FLT1: variants seen among roughly 807,000 people sequenced by gnomAD.
FLT1 encodes the protein vascular endothelial growth factor receptor 1.
A neutral mutation model predicts 156.3 loss-of-function variants in FLT1; 49 were observed. That is an observed-to-expected ratio of 0.31 (90% CI 0.25 to 0.40). The LOEUF (loss-of-function observed/expected upper bound fraction) is 0.40. Among genes scored for constraint, FLT1 ranks in the 10% least tolerant of loss-of-function variants. The probability of loss-of-function intolerance (pLI) is 1.00; values close to 1 mark genes in which losing one functional copy is unlikely to be tolerated. For synonymous variants in FLT1, 594 were observed against 583.8 expected, an observed-to-expected ratio of 1.02 and a Z score of -0.25; for missense variants, 1,322 against 1,637.2, an observed-to-expected ratio of 0.81 and a Z score of 3.32.
At chr13:28,318,164 G>A (rs1046463625) in intron 24 of FLT1, among the ~76,000 whole-genome samples, 1 of 152,108 alleles carries the variant, frequency 6.6e-6, no homozygotes, top group African/African-American at 2.4e-5. Context: ...CTTGGGATAG[G>A]CTACATAGGA....
intron 3 of FLT1, among the ~76,000 whole-genome samples, chr13:28,446,389 T>C (rs765874698): frequency 6.6e-6 from 1 of 152,182 alleles, no homozygotes; most frequent in South Asian, 2.1e-4. Context: ...TGTTTTCAGA[T>C]GACATGATCT....
chr13:28,345,859 G>A (rs139691286), intron 15 of FLT1: 181 of 268,290 alleles, frequency 6.7e-4, no homozygotes, highest in African/African-American at 3.8e-3. Flanking sequence ...AAAATCAGAG[G>A]AGAAATTAAA....
intron 3 of FLT1, among the ~76,000 whole-genome samples, chr13:28,452,982 G>A (rs1244599721): frequency 9.6e-6 from 1 of 104,542 alleles, no homozygotes; most frequent in East Asian, 3.2e-4. Flanking sequence ...CTTTATTCCT[G>A]GTGCTATATA....
intron 12 of FLT1, among the ~76,000 whole-genome samples, chr13:28,390,541 G>A (rs1189851106): frequency 4.6e-5 from 7 of 152,070 alleles, no homozygotes; most frequent in Non-Finnish European, 8.8e-5. Flanking sequence ...AATTACAGGC[G>A]TGCATCACCA....
intron 8 of FLT1, among the ~76,000 whole-genome samples, chr13:28,428,554 T>C (rs935588195): frequency 6.6e-6 from 1 of 152,106 alleles, no homozygotes; most frequent in African/African-American, 2.4e-5. Context: ...TTGATATCAC[T>C]CTGTTGCACA....
chr13:28,488,467 G>A (rs950428188), intron 1 of FLT1, among the ~76,000 whole-genome samples: 3 of 113,836 alleles, frequency 2.6e-5, no homozygotes, highest in African/African-American at 1.0e-4. Context: ...AATGCTTCTC[G>A]ATTTTTAATG....
At chr13:28,306,363 A>G (rs1870749380) in intron 29 of FLT1, among the ~76,000 whole-genome samples, 4 of 151,984 alleles carry the variant, frequency 2.6e-5, no homozygotes, top group Admixed American at 2.6e-4. Context: ...CACCGCCGGG[A>G]GCGTGTCTCT....
At chr13:28,349,761 G>A (rs1437072356) in intron 15 of FLT1, among the ~76,000 whole-genome samples, 5 of 151,986 alleles carry the variant, frequency 3.3e-5, no homozygotes, top group Non-Finnish European at 7.4e-5. Flanking sequence ...TCATTTCAGT[G>A]GACCAAATGT....
intron 10 of FLT1, among the ~76,000 whole-genome samples, chr13:28,413,663 G>T (rs1392455737): frequency 6.6e-6 from 1 of 152,130 alleles, no homozygotes; most frequent in Non-Finnish European, 1.5e-5. Context: ...ATTCAAGAAG[G>T]AGGCTTAAAA....
chr13:28,387,952 A>C, intron 13 of FLT1: 14 of 1,061,690 alleles, frequency 1.3e-5, no homozygotes, highest in Non-Finnish European at 1.6e-5. Context: ...CAAAAATTGC[A>C]AACAGGGGAA....
chr13:28,372,566 G>GTATACATATATATATATATATATATA (rs1555232433), intron 14 of FLT1, among the ~76,000 whole-genome samples: 11 of 91,452 alleles, frequency 1.2e-4, no homozygotes, highest in Admixed American at 1.2e-3. Flanking sequence ...TAAATAAAAT[G>GTATACATATATATATATATATATATA]TATATATATA....
At chr13:28,349,361 T>C (rs1872667388) in intron 15 of FLT1, among the ~76,000 whole-genome samples, 1 of 151,924 alleles carries the variant, frequency 6.6e-6, no homozygotes, top group African/African-American at 2.4e-5. Flanking sequence ...GATTGTAAGC[T>C]CAAGTTCATA....
chr13:28,321,393 A>G, intron 23 of FLT1, 70 bp downstream of exon 23: 2 of 1,568,216 alleles, frequency 1.3e-6, no homozygotes, highest in Non-Finnish European at 1.7e-6. Flanking sequence ...GGAAGTGTAA[A>G]TATTTACCAA....
intron 22 of FLT1, 105 bp from the exon 23 acceptor site, chr13:28,321,690 C>CA: frequency 2.2e-5 from 26 of 1,160,340 alleles, no homozygotes; most frequent in Non-Finnish European, 3.0e-5. Context: ...ATTTCACATG[C>CA]TGTGAAGGGA....
intron 15 of FLT1, among the ~76,000 whole-genome samples, chr13:28,347,903 T>C (rs28604885): frequency 4.6e-5 from 7 of 152,208 alleles, no homozygotes; most frequent in African/African-American, 1.7e-4. Context: ...GTGGTGGAGC[T>C]GTGATTTTAA....
Position 28,308,926 on chromosome 13 carries a change from A to C in FLT1, c.3637T>G (p.Tyr1213Asp). ...FNSGSSDDVR[Y>D]VNAFKFMSLE... ...CTCATGAACTTGAAAGCATTTACGT[A>C]TCTAATGAAGAAACAGAAAGAATTA... Residue 1213 changes from tyrosine (Y) to aspartate (D), a missense_variant and splice_region_variant, in exon 28 of 30, where the codon TAC becomes GAC. This residue lies in a region of FLT1 where 329 missense variants were observed against 366.2 expected (regional missense o/e 0.90). Coordinates refer to ENST00000282397, the MANE Select transcript of FLT1 (RefSeq NM_002019.4). The C allele has an allele frequency of 6.4e-7, 1 of 1,569,042 alleles. No homozygotes were observed. The highest frequency in any genetic ancestry group is 8.8e-7 in the Non-Finnish European group (1 of 1,138,564).
intron 29 of FLT1, among the ~76,000 whole-genome samples, chr13:28,303,927 C>T (rs894671977): frequency 2.0e-5 from 3 of 152,160 alleles, no homozygotes; most frequent in Admixed American, 6.5e-5. Flanking sequence ...GTTTTAGTCA[C>T]GGTGCTGCTT....
chr13:28,317,868 A>G (rs1023938287), intron 24 of FLT1, among the ~76,000 whole-genome samples: 2 of 152,220 alleles, frequency 1.3e-5, no homozygotes, highest in Non-Finnish European at 2.9e-5. Flanking sequence ...CTGTGTGGTC[A>G]GAGGAAGGGG....
intron 29 of FLT1, among the ~76,000 whole-genome samples, chr13:28,305,572 C>T (rs1196795520): frequency 6.6e-6 from 1 of 152,180 alleles, no homozygotes; most frequent in Non-Finnish European, 1.5e-5. Context: ...TTCGTGTACT[C>T]ACTGGCCATG....
Sources: allele counts gnomAD v4.1 joint callset (sites outside exome capture counted in the v4.1 genomes callset), GRCh38; gene constraint gnomAD v4.1.1; regional missense constraint gnomAD v4.1.1; transcripts MANE v1.5; gene names NCBI Gene and HGNC (gene_info 2026-07-23, HGNC 2026-07-21).